The following IDS variants were observed in gnomAD, a reference collection of about 807,000 sequenced individuals.
IDS encodes iduronate 2-sulfatase, also known as alpha-L-iduronate sulfate sulfatase.
Under a neutral mutation model 33.5 loss-of-function variants are expected in IDS, and 1 was observed. The observed-to-expected ratio is 0.03, with a 90% CI of 0.01 to 0.14. The LOEUF (loss-of-function observed/expected upper bound fraction) is 0.14, where lower values mean the gene tolerates loss of function less well. IDS is among the 10% of genes least tolerant of loss of function. The probability of loss-of-function intolerance (pLI) is 1.00; values close to 1 mark genes in which losing one functional copy is unlikely to be tolerated. For synonymous variants in IDS, 191 were observed against 184.4 expected (o/e 1.04, Z -0.29); for missense variants, 328 against 448.0 (o/e 0.73, Z 2.42).
intron 1 of IDS, 79 bp from the exon 2 acceptor site, chrX:149,504,372 A>G: frequency 9.7e-7 from 1 of 1,031,987 alleles, no homozygotes; most frequent in Non-Finnish European, 1.3e-6. Context: ...CTAGGTTACT[A>G]AGAGGCCCAA....
intron 4 of IDS, 78 bp from the exon 5 acceptor site, chrX:149,498,385 ATGTTCACATAAT>A (rs1443869886): frequency 1.5e-5 from 12 of 808,544 alleles, no homozygotes; most frequent in Middle Eastern, 2.9e-4. Context: ...CACAGATTTA[ATGTTCACATAAT>A]CAGCCCTTCA....
At chrX:149,483,443 T>C (rs1467020083) in intron 8 of IDS, among the ~76,000 whole-genome samples, 1 of 111,637 alleles carries the variant, frequency 9.0e-6, no homozygotes, top group Non-Finnish European at 1.9e-5. Flanking sequence ...CCCACGAGGC[T>C]GTTGGCGCTT....
At chrX:149,491,900 C>A (rs192120919) in intron 6 of IDS, among the ~76,000 whole-genome samples, 1 of 112,324 alleles carries the variant, frequency 8.9e-6, no homozygotes, top group East Asian at 2.8e-4. Flanking sequence ...TACTCAGACA[C>A]AGGTATGCAG....
At position 149,490,412 on chromosome X, in the gene IDS, G is replaced by C; in HGVS notation, c.908C>G (p.Ser303Cys). The C allele has an allele frequency of 8.3e-7, 1 of 1,211,092 alleles. No individual in the cohort carries two copies. The highest frequency in any genetic ancestry group is 1.1e-6 in the Non-Finnish European group (1 of 894,883). Reference sequence around the variant, plus strand: ...GACCTGTGTATCCAAATATGACACAGAGGCAAAGTAGCTCTGGCGGATTTT... The same window carrying C: ...GACCTGTGTATCCAAATATGACACACAGGCAAAGTAGCTCTGGCGGATTTT... Reference protein sequence around the residue: ...QRKIRQSYFASVSYLDTQVGR... With the variant: ...QRKIRQSYFACVSYLDTQVGR... Residue 303 changes from serine (S) to cysteine (C), a missense_variant, in exon 7 of 9, where the codon TCT becomes TGT. Transcript: ENST00000340855.
chrX:149,497,342 C>T (rs1183580436), intron 5 of IDS, among the ~76,000 whole-genome samples: 1 of 112,522 alleles, frequency 8.9e-6, no homozygotes, highest in Non-Finnish European at 1.9e-5. Context: ...AGAATCACAG[C>T]CAGGCCAGCT....
In IDS at chrX:149,477,790, G is replaced by A. The variant is rs1222982100; in HGVS notation, c.*4956C>T. On this transcript the variant is annotated 3_prime_UTR_variant, in exon 9 of 9. Transcript: ENST00000340855. ...AGCAGTGAGGGCTCTTGGCCATTAT[G>A]GCCAAACGATTGGTGATGTGAAGGC... The A allele has an allele frequency of 2.7e-5, 3 of 112,338 alleles. No individual in the cohort carries two copies. Among genetic ancestry groups the A allele is most frequent in the Non-Finnish European group, 5.6e-5 (3 of 53,225 alleles). The allele number at this position is 112,338 out of a possible 1,213,427, so 9.3% of individuals were successfully genotyped here.
chrX:149,498,359 C>A lies in IDS; in HGVS notation c.508-52G>T, dbSNP rs191233108. The A allele has an allele frequency of 2.3e-5, 23 of 998,157 alleles. No individual in the cohort carries two copies. In the East Asian group the frequency reaches 6.9e-4, roughly 30 times the overall value. The allele number at this position is 998,157 out of a possible 1,213,427, so 82.3% of individuals were successfully genotyped here. On this transcript the variant is annotated intron_variant, in intron 4 of 8. Transcript: ENST00000340855. ...AGCTTTTTAAGTGCAAGAAATGAAGCCATGAAGGCTACACACACAGATTTA... is the reference window on the plus strand; with the variant it reads ...AGCTTTTTAAGTGCAAGAAATGAAGACATGAAGGCTACACACACAGATTTA...
At chrX:149,496,270 C>T in intron 6 of IDS, 76 bp downstream of exon 6, 2 of 950,213 alleles carry the variant, frequency 2.1e-6, no homozygotes, top group Non-Finnish European at 3.0e-6. Context: ...GGAGTTGTGT[C>T]TACTGAGAAG....
intron 6 of IDS, chrX:149,491,539 C>T: frequency 2.1e-6 from 2 of 967,162 alleles, no homozygotes; most frequent in Non-Finnish European, 2.7e-6. Flanking sequence ...GAGACTCACC[C>T]GTTCTCACTT....
intron 8 of IDS, 89 bp from the exon 9 acceptor site, chrX:149,483,307 C>A: frequency 1.5e-6 from 1 of 668,819 alleles, no homozygotes; most frequent in Non-Finnish European, 2.4e-6. Context: ...TGTCTGGGCT[C>A]CATATGTTTT....
chrX:149,490,759 T>C (rs1440506340), intron 6 of IDS, among the ~76,000 whole-genome samples: 1 of 111,044 alleles, frequency 9.0e-6, no homozygotes, highest in East Asian at 2.8e-4. Context: ...GTCTCCTAGC[T>C]CTGGAGGCTA....
rs894780148 is a variant in IDS at position 149,487,170 on chromosome X, C to A, written c.1007-72G>T. 5.0e-6 allele frequency: 6 copies of A among 1,206,402 alleles called. No homozygotes were observed. In the African/African-American group the frequency reaches 1.1e-4, roughly 21 times the overall value. The stretch of plus-strand genomic sequence containing the variant: ...ACCACAGCTTGTTTATTTTAGATAC[C>A]ATTTCATTTCCTGTTGTAAAAACCA... On this transcript the variant is annotated intron_variant, in intron 7 of 8. Coordinates refer to ENST00000340855, the MANE Select transcript of IDS (RefSeq NM_000202.8).
chrX:149,492,998 G>A (rs1395927612), intron 6 of IDS, among the ~76,000 whole-genome samples: 1 of 111,269 alleles, frequency 9.0e-6, no homozygotes. Flanking sequence ...GGAGGAGGAA[G>A]GAGAAAAGGC....
At chrX:149,504,443 G>A in intron 1 of IDS, 150 bp from the exon 2 acceptor site, 1 of 607,866 alleles carries the variant, frequency 1.6e-6, no homozygotes, top group Non-Finnish European at 2.6e-6. Context: ...GCAAGGGTGG[G>A]AGTGGGGCTC....
intron 6 of IDS, 29 bp downstream of exon 6, chrX:149,496,317 A>G (rs1359877877): frequency 1.1e-5 from 13 of 1,190,143 alleles, no homozygotes; most frequent in Non-Finnish European, 1.4e-5. Context: ...ATCAGTGTCC[A>G]ATACATCCCC....
intron 6 of IDS, 66 bp downstream of exon 6, chrX:149,496,280 G>C (rs2089435434): frequency 2.0e-6 from 2 of 1,005,408 alleles, no homozygotes; most frequent in South Asian, 3.8e-5. Flanking sequence ...CTACTGAGAA[G>C]AGTGGTTTCA....
chrX:149,501,081 A>G (rs200094945), intron 3 of IDS, 44 bp from the exon 4 acceptor site: 2 of 779,449 alleles, frequency 2.6e-6, no homozygotes, highest in Admixed American at 4.4e-5. Context: ...GAGTCTTTCA[A>G]CACCCCACTC....
At position 149,498,146 on chromosome X, in the gene IDS, A is replaced by T; in HGVS notation, c.669T>A (p.Val223=). ...AGGGGATGTGTGGCTTATGATACCC[A>T]ACGGCCAGGAAGAAAGGACTGGCTG... ...KTSASPFFLA[V]GYHKPHIPFR... is the part of the protein sequence containing the mutation. The change falls in exon 5 of 9, where the codon GTT becomes GTA. Residue 223 remains valine (V), a synonymous_variant. Transcript: ENST00000340855. The T allele has an allele frequency of 8.3e-7, 1 of 1,211,423 alleles. No homozygotes were observed.
At chrX:149,483,318 C>A in intron 8 of IDS, 100 bp from the exon 9 acceptor site, 1 of 620,004 alleles carries the variant, frequency 1.6e-6, no homozygotes, top group South Asian at 2.5e-5. Flanking sequence ...CATATGTTTT[C>A]TTTTTTTAAT....
Sources: allele counts gnomAD v4.1 joint callset (sites outside exome capture counted in the v4.1 genomes callset), GRCh38; gene constraint gnomAD v4.1.1; transcripts MANE v1.5; gene names NCBI Gene and HGNC (gene_info 2026-07-23, HGNC 2026-07-21).